Variants in RNGTT observed in about 807,000 individuals in gnomAD.
The protein encoded by RNGTT is mRNA-capping enzyme.
A neutral mutation model predicts 79.3 loss-of-function variants in RNGTT; 33 were observed. That is an observed-to-expected ratio of 0.42 (90% confidence interval 0.32 to 0.56). The LOEUF (loss-of-function observed/expected upper bound fraction) is 0.56, where lower values mean the gene tolerates loss of function less well. Ranked by LOEUF, RNGTT falls within the 20% of genes least tolerant of loss-of-function variation. RNGTT has a pLI of 0.17. For missense variants in RNGTT, 497 were observed against 739.1 expected (o/e 0.67, Z 3.80); for synonymous variants, 222 against 235.9 (o/e 0.94, Z 0.54).
chr6:88,625,029 A>G (rs1772573938), intron 14 of RNGTT, among the ~76,000 whole-genome samples: 1 of 151,984 alleles, frequency 6.6e-6, no homozygotes, highest in South Asian at 2.1e-4. Flanking sequence ...ACACTGAGAT[A>G]CTATATATAC....
At chr6:88,834,978 T>A (rs189260408) in intron 11 of RNGTT, among the ~76,000 whole-genome samples, 1 of 152,170 alleles carries the variant, frequency 6.6e-6, no homozygotes, top group Non-Finnish European at 1.5e-5. Flanking sequence ...ACCTTTGTAA[T>A]TGTCTATTTA....
At chr6:88,843,961 T>TAC (rs1227402305) in intron 11 of RNGTT, among the ~76,000 whole-genome samples, 2 of 150,768 alleles carry the variant, frequency 1.3e-5, no homozygotes, top group African/African-American at 4.9e-5. Flanking sequence ...TATATATATA[T>TAC]ACATACACAT....
intron 8 of RNGTT, among the ~76,000 whole-genome samples, chr6:88,887,803 G>A (rs1358278075): frequency 6.6e-6 from 1 of 152,162 alleles, no homozygotes; most frequent in Non-Finnish European, 1.5e-5. Context: ...ATACTGTGAA[G>A]AAAGCAATGC....
chr6:88,955,123 A>C (rs1785383783), intron 1 of RNGTT, among the ~76,000 whole-genome samples: 1 of 152,206 alleles, frequency 6.6e-6, no homozygotes, highest in Admixed American at 6.5e-5. Context: ...TCTGCTCTTG[A>C]ATAATCTTTG....
intron 14 of RNGTT, among the ~76,000 whole-genome samples, chr6:88,640,426 C>T (rs1337704479): frequency 6.6e-6 from 1 of 150,382 alleles, no homozygotes; most frequent in Non-Finnish European, 1.5e-5. Context: ...TGGCATGTGC[C>T]TGTAGTCCCA....
intron 11 of RNGTT, among the ~76,000 whole-genome samples, chr6:88,834,310 T>C (rs920414974): frequency 1.3e-5 from 2 of 152,222 alleles, no homozygotes; most frequent in Admixed American, 6.5e-5. Flanking sequence ...GAATTCTCTT[T>C]AGTATGCGTT....
intron 13 of RNGTT, among the ~76,000 whole-genome samples, chr6:88,744,990 C>T (rs1055760137): frequency 1.3e-5 from 2 of 152,040 alleles, no homozygotes; most frequent in Admixed American, 6.6e-5. Context: ...GAGGTTAAAA[C>T]AAAGTATTTT....
At chr6:88,923,289 T>C (rs1784218410) in intron 4 of RNGTT, among the ~76,000 whole-genome samples, 1 of 152,232 alleles carries the variant, frequency 6.6e-6, no homozygotes, top group African/African-American at 2.4e-5. Flanking sequence ...CAAGGGAAGC[T>C]GTGGTGAAAT....
Position 88,821,234 on chromosome 6 carries a change from C to T in RNGTT, c.1270-19602G>A, listed in dbSNP as rs139178652. The stretch of plus-strand genomic sequence containing the variant: ...TTTCAACAAGTGGTGATAGAACAAC[C>T]GGACCTTCACATGCAAAAAAATAAA... On this transcript the variant is annotated intron_variant, in intron 11 of 15. Transcript: ENST00000369485. Among the ~76,000 whole-genome samples, 224 of 152,092 alleles carry T rather than the reference C, an allele frequency of 1.5e-3. 3 individuals carry two copies. Among genetic ancestry groups the T allele is most frequent in the Non-Finnish European group, 2.5e-3 (170 of 67,930 alleles).
intron 1 of RNGTT, among the ~76,000 whole-genome samples, chr6:88,951,747 G>C (rs112903617): frequency 2.1e-3 from 318 of 152,274 alleles, no homozygotes; most frequent in African/African-American, 7.4e-3. Flanking sequence ...GCAGCAGCAG[G>C]AAGAGCCTTG....
At chr6:88,769,722 C>G (rs998415577) in intron 13 of RNGTT, 52 bp downstream of exon 13, 27 of 1,069,776 alleles carry the variant, frequency 2.5e-5, no homozygotes, top group Non-Finnish European at 3.7e-5. Flanking sequence ...AAAGGTGAAG[C>G]CTTACACAAA....
intron 14 of RNGTT, among the ~76,000 whole-genome samples, chr6:88,618,689 C>T (rs1156550385): frequency 6.6e-6 from 1 of 152,100 alleles, no homozygotes; most frequent in East Asian, 1.9e-4. Context: ...AAATTTGTTG[C>T]CTGTATCCAT....
chr6:88,809,350 G>C (rs1780061392), intron 11 of RNGTT, among the ~76,000 whole-genome samples: 1 of 152,050 alleles, frequency 6.6e-6, no homozygotes, highest in South Asian at 2.1e-4. Flanking sequence ...ATCACTAGTA[G>C]TAAAGACATC....
intron 14 of RNGTT, among the ~76,000 whole-genome samples, chr6:88,639,992 C>T (rs1305854456): frequency 6.6e-6 from 1 of 152,158 alleles, no homozygotes; most frequent in Non-Finnish European, 1.5e-5. Context: ...ACTCATTAGA[C>T]AGGGCTAGCT....
At chr6:88,742,811 TAGAG>T (rs764832660) in intron 13 of RNGTT, among the ~76,000 whole-genome samples, 6 of 152,190 alleles carry the variant, frequency 3.9e-5, no homozygotes, top group Non-Finnish European at 8.8e-5. Flanking sequence ...GAGTAGCAAT[TAGAG>T]AGAAGTTTTC....
intron 13 of RNGTT, among the ~76,000 whole-genome samples, chr6:88,748,227 C>T (rs1777727796): frequency 6.6e-6 from 1 of 151,384 alleles, no homozygotes; most frequent in South Asian, 2.1e-4. Flanking sequence ...CCAGCAATGC[C>T]TCCTACTTCC....
At chr6:88,685,528 GA>G (rs1582327884) in intron 13 of RNGTT, among the ~76,000 whole-genome samples, 1 of 151,542 alleles carries the variant, frequency 6.6e-6, no homozygotes, top group Admixed American at 6.6e-5. Context: ...TCAGAGAGGA[GA>G]GGGGAGAAGG....
chr6:88,872,569 T>C (rs954536603), intron 8 of RNGTT, among the ~76,000 whole-genome samples: 1 of 152,184 alleles, frequency 6.6e-6, no homozygotes, highest in Non-Finnish European at 1.5e-5. Context: ...CTTGAGGCTA[T>C]GGATTTAAGA....
chr6:88,708,749 A>AT (rs921671078), intron 13 of RNGTT, among the ~76,000 whole-genome samples: 21 of 151,596 alleles, frequency 1.4e-4, no homozygotes, highest in Non-Finnish European at 2.5e-4. Context: ...CATTTATGCT[A>AT]TTTTTTTTAA....
Sources: gnomAD v4.1 joint callset for allele counts (sites outside exome capture counted in the v4.1 genomes callset) on GRCh38, gnomAD v4.1.1 for gene constraint, MANE v1.5 for transcripts, NCBI Gene and HGNC (gene_info 2026-07-23, HGNC 2026-07-21) for gene names.